The following CADM2 variants were observed in gnomAD, a reference collection of about 807,000 sequenced individuals.
CADM2 encodes immunoglobulin superfamily member 4D.
In CADM2, 12 loss-of-function variants were observed where a neutral mutation model predicts 49.8. The ratio of observed to expected loss-of-function variants is 0.24; its 90% CI spans 0.15 to 0.39. The LOEUF (loss-of-function observed/expected upper bound fraction) is 0.39, where lower values mean the gene tolerates loss of function less well. Ranked by LOEUF, CADM2 falls within the 10% of genes least tolerant of loss-of-function variation. The pLI is 1.00. For synonymous variants in CADM2, 214 were observed against 175.4 expected (o/e 1.22, Z -1.74); for missense variants, 378 against 492.3 (o/e 0.77, Z 2.20).
At position 85,333,229 on chromosome 3, in the gene CADM2, A is replaced by T. The variant is rs569782360; in HGVS notation, c.61+373561A>T. Among the ~76,000 whole-genome samples, 7 of 151,960 alleles carry T rather than the reference A, an allele frequency of 4.6e-5. No homozygotes were observed. In the East Asian group the frequency reaches 1.4e-3, roughly 29 times the overall value. On this transcript the variant is annotated intron_variant, in intron 1 of 9. Coordinates refer to ENST00000383699, the MANE Select transcript of CADM2 (RefSeq NM_001167675.2). ...TGTATGAATGAATAGAATGATTATG[A>T]TATGTTGTAATAGTGATACATATAA...
chr3:86,056,359 T>G (rs1737992855), intron 8 of CADM2, among the ~76,000 whole-genome samples: 1 of 152,246 alleles, frequency 6.6e-6, no homozygotes, highest in Non-Finnish European at 1.5e-5. Context: ...AAGAGAACTA[T>G]GCTAGAACCT....
intron 1 of CADM2, among the ~76,000 whole-genome samples, chr3:85,028,552 T>C (rs1401981983): frequency 6.6e-6 from 1 of 152,186 alleles, no homozygotes; most frequent in Non-Finnish European, 1.5e-5. Context: ...ATTTATCTTA[T>C]TTCAAAATTT....
At position 85,197,511 on chromosome 3, in the gene CADM2, G is replaced by A. The variant is rs370733246; in HGVS notation, c.61+237843G>A. Among the ~76,000 whole-genome samples the A allele has an allele frequency of 2.1e-3, 314 of 152,024 alleles. 1 individual carries two copies. The highest frequency in any genetic ancestry group is 7.1e-3 in the African/African-American group (297 of 41,550). ...TGTGGATTGGCTCCATTTTACAGATGAAGAAGCAGAAGCTTGAAGAAGTTA... is the reference window on the plus strand; with the variant it reads ...TGTGGATTGGCTCCATTTTACAGATAAAGAAGCAGAAGCTTGAAGAAGTTA... On this transcript the variant is annotated intron_variant, in intron 1 of 9. Coordinates refer to ENST00000383699, the MANE Select transcript of CADM2 (RefSeq NM_001167675.2).
intron 8 of CADM2, among the ~76,000 whole-genome samples, chr3:86,017,320 C>A (rs759732594): frequency 5.0e-4 from 76 of 151,694 alleles, no homozygotes; most frequent in Admixed American, 1.2e-3. Flanking sequence ...TTCCTAAGCT[C>A]CTAGACATGT....
intron 1 of CADM2, among the ~76,000 whole-genome samples, chr3:85,202,551 T>C (rs2041532013): frequency 6.6e-6 from 1 of 151,980 alleles, no homozygotes; most frequent in South Asian, 2.1e-4. Flanking sequence ...TGTAAACAGA[T>C]GTGCTGTCAT....
chr3:85,444,556 C>T (rs1346737322), intron 1 of CADM2, among the ~76,000 whole-genome samples: 3 of 152,048 alleles, frequency 2.0e-5, no homozygotes, highest in Non-Finnish European at 2.9e-5. Flanking sequence ...TTCTTCAACT[C>T]TTTAAAATAA....
intron 2 of CADM2, among the ~76,000 whole-genome samples, chr3:85,773,876 T>C (rs553069021): frequency 2.0e-5 from 3 of 152,070 alleles, no homozygotes; most frequent in African/African-American, 7.2e-5. Context: ...ATACTAGAAA[T>C]TGATGTAATT....
intron 1 of CADM2, among the ~76,000 whole-genome samples, chr3:85,651,400 A>G (rs1300341646): frequency 6.6e-6 from 1 of 152,178 alleles, no homozygotes; most frequent in Non-Finnish European, 1.5e-5. Flanking sequence ...CCAGCTCCTA[A>G]GGATTGTATA....
intron 1 of CADM2, among the ~76,000 whole-genome samples, chr3:85,393,057 A>T (rs1204580316): frequency 2.0e-5 from 3 of 151,078 alleles, no homozygotes; most frequent in African/African-American, 7.3e-5. Context: ...TTAGTTGAAG[A>T]AGAGAAAACC....
Position 86,031,654 on chromosome 3 carries a change from C to A in CADM2, c.971-33951C>A, listed in dbSNP as rs1200906555. Reference sequence around the variant, plus strand: ...TTATTTATCCTTATACAGGTACCTTCCAAAAGAATAGCTCATAGATATTTT... The same window carrying A: ...TTATTTATCCTTATACAGGTACCTTACAAAAGAATAGCTCATAGATATTTT... On this transcript the variant is annotated intron_variant, in intron 8 of 9. Transcript: ENST00000383699. 2.0e-5 allele frequency among the ~76,000 whole-genome samples: 3 copies of A among 151,666 alleles called. No individual in the cohort carries two copies. In the East Asian group the frequency reaches 5.8e-4, roughly 29 times the overall value.
intron 1 of CADM2, among the ~76,000 whole-genome samples, chr3:85,153,444 G>A (rs957007234): frequency 1.3e-5 from 2 of 152,208 alleles, no homozygotes; most frequent in Non-Finnish European, 2.9e-5. Context: ...CATGCCAACG[G>A]AGTCTCACTG....
At chr3:85,048,081 T>C (rs1044486198) in intron 1 of CADM2, among the ~76,000 whole-genome samples, 10 of 152,140 alleles carry the variant, frequency 6.6e-5, no homozygotes, top group African/African-American at 2.4e-4. Context: ...TACTTTTTTT[T>C]CAAGGAACTC....
chr3:85,909,473 A>G (rs932615765), intron 5 of CADM2, among the ~76,000 whole-genome samples: 9 of 151,802 alleles, frequency 5.9e-5, no homozygotes, highest in Non-Finnish European at 1.0e-4. Context: ...CAAGAGAGAG[A>G]AAAAGAGAAA....
chr3:85,527,996 G>A (rs2061207852), intron 1 of CADM2, among the ~76,000 whole-genome samples: 1 of 152,144 alleles, frequency 6.6e-6, no homozygotes, highest in African/African-American at 2.4e-5. Flanking sequence ...TATATATGAT[G>A]TTTAAGACTG....
At chr3:85,566,294 G>T (rs1048057373) in intron 1 of CADM2, among the ~76,000 whole-genome samples, 1 of 151,938 alleles carries the variant, frequency 6.6e-6, no homozygotes, top group African/African-American at 2.4e-5. Flanking sequence ...TTTGAAAGTA[G>T]ATGAGATTAT....
chr3:85,399,567 C>T (rs954899885), intron 1 of CADM2, among the ~76,000 whole-genome samples: 1 of 152,140 alleles, frequency 6.6e-6, no homozygotes, highest in Non-Finnish European at 1.5e-5. Context: ...ATACCTTGGG[C>T]AGTATGGCCA....
chr3:85,826,540 G>A (rs1215288776), intron 3 of CADM2, among the ~76,000 whole-genome samples: 2 of 152,006 alleles, frequency 1.3e-5, no homozygotes, highest in Admixed American at 6.6e-5. Flanking sequence ...GAAGTTAAGA[G>A]AAAGTGTGAA....
chr3:85,309,158 T>C (rs1001438122), intron 1 of CADM2, among the ~76,000 whole-genome samples: 1 of 152,122 alleles, frequency 6.6e-6, no homozygotes, highest in Non-Finnish European at 1.5e-5. Context: ...GTTGTTAAAT[T>C]AGGGATAGAT....
chr3:85,060,764 TA>T (rs2036274818), intron 1 of CADM2, among the ~76,000 whole-genome samples: 1 of 152,120 alleles, frequency 6.6e-6, no homozygotes, highest in South Asian at 2.1e-4. Context: ...ACGCTTATAA[TA>T]AAAGTGTTTA....
Sources: gnomAD v4.1 joint callset for allele counts (sites outside exome capture counted in the v4.1 genomes callset) on GRCh38, gnomAD v4.1.1 for gene constraint, MANE v1.5 for transcripts, NCBI Gene and HGNC (gene_info 2026-07-23, HGNC 2026-07-21) for gene names.